POLN: variants seen among roughly 807,000 people sequenced by gnomAD.
The protein encoded by POLN is DNA polymerase nu, also known as DNA polymerase N.
A neutral mutation model predicts 113.5 loss-of-function variants in POLN; 108 were observed. The observed-to-expected ratio is 0.95, with a 90% CI of 0.81 to 1.12. The LOEUF (loss-of-function observed/expected upper bound fraction) is 1.12. POLN is among the 50% of genes most tolerant of loss of function. The pLI, the probability that POLN is intolerant of heterozygous loss-of-function variation, is 0.00. For synonymous variants in POLN, 386 were observed against 391.5 expected (o/e 0.99, Z 0.17); for missense variants, 1,097 against 1,077.1 (o/e 1.02, Z -0.26).
chr4:2,123,618 C>T (rs1731502090), intron 19 of POLN, among the ~76,000 whole-genome samples: 2 of 126,118 alleles, frequency 1.6e-5, no homozygotes, highest in South Asian at 2.6e-4. Flanking sequence ...GGGTGAGACC[C>T]TGTCTCAAAA....
At chr4:2,232,175 T>C (rs764572470) in intron 2 of POLN, 2 of 1,190,578 alleles carry the variant, frequency 1.7e-6, no homozygotes, top group East Asian at 2.6e-5. Flanking sequence ...AAAAGGAAAA[T>C]AAAAATAAAA....
chr4:2,102,175 T>G (rs564635396), intron 19 of POLN, among the ~76,000 whole-genome samples: 5 of 152,244 alleles, frequency 3.3e-5, no homozygotes, highest in African/African-American at 1.2e-4. Context: ...GGCAGGTGCA[T>G]GCACTTTCCA....
chr4:2,168,372 A>G (rs1015363680), intron 13 of POLN, among the ~76,000 whole-genome samples: 2 of 152,256 alleles, frequency 1.3e-5, no homozygotes, highest in Non-Finnish European at 2.9e-5. Flanking sequence ...AGTCATGAGA[A>G]GAAATCTGAA....
chr4:2,187,363 C>T (rs1297372705), intron 7 of POLN, among the ~76,000 whole-genome samples: 1 of 152,172 alleles, frequency 6.6e-6, no homozygotes, highest in Non-Finnish European at 1.5e-5. Flanking sequence ...CCTGTCTCAG[C>T]CTCCCGAGTA....
intron 8 of POLN, among the ~76,000 whole-genome samples, chr4:2,178,756 C>T (rs1437546989): frequency 6.6e-6 from 1 of 152,066 alleles, no homozygotes; most frequent in Non-Finnish European, 1.5e-5. Flanking sequence ...GAACTACAGG[C>T]ACCTGCCACC....
Position 2,240,230 on chromosome 4 carries a change from T to C in POLN, c.-13+1290A>G, listed in dbSNP as rs942443652. ...TAGATGGTGTCTGTATATCTAAAAG[T>C]TGAAAATTGTCTTCATTTGAACTTT... On this transcript the variant is annotated intron_variant, in intron 2 of 25. Transcript: ENST00000511885. 8.7e-6 allele frequency: 14 copies of C among 1,613,660 alleles called. No homozygotes were observed. In the African/African-American group the frequency reaches 1.6e-4, roughly 18 times the overall value.
intron 3 of POLN, among the ~76,000 whole-genome samples, chr4:2,225,489 G>T (rs572372182): frequency 9.9e-5 from 15 of 151,492 alleles, no homozygotes; most frequent in African/African-American, 2.9e-4. Context: ...CAGGAGGGGG[G>T]GTTGCAGTGA....
chr4:2,168,133 G>A (rs776735374), intron 13 of POLN, among the ~76,000 whole-genome samples: 2 of 152,316 alleles, frequency 1.3e-5, no homozygotes, highest in Admixed American at 6.5e-5. Context: ...TAAGCACTGG[G>A]AACATCCCAG....
intron 19 of POLN, among the ~76,000 whole-genome samples, chr4:2,113,064 T>C (rs550122093): frequency 9.4e-4 from 143 of 151,764 alleles, no homozygotes; most frequent in African/African-American, 3.4e-3. Flanking sequence ...CCGTAAAAAA[T>C]GATGAGTTCA....
At chr4:2,081,867 C>T in intron 21 of POLN, 124 bp from the exon 22 acceptor site, 4 of 743,148 alleles carry the variant, frequency 5.4e-6, no homozygotes, top group Non-Finnish European at 2.3e-6. Flanking sequence ...CTCCAAGCCT[C>T]CCCTGGGCCC....
intron 2 of POLN, chr4:2,236,502 T>C (rs1486136251): frequency 1.5e-6 from 2 of 1,352,532 alleles, no homozygotes; most frequent in East Asian, 2.3e-5. Flanking sequence ...ATCAAGTCAG[T>C]ATCATTTTCA....
intron 21 of POLN, 61 bp downstream of exon 21, chr4:2,085,552 C>G (rs958910718): frequency 6.3e-7 from 1 of 1,598,434 alleles, no homozygotes; most frequent in Admixed American, 1.7e-5. Context: ...ACGCAGCTGT[C>G]CCCCCATCCT....
At chr4:2,142,905 AC>A (rs1483063900) in intron 16 of POLN, among the ~76,000 whole-genome samples, 2 of 141,410 alleles carry the variant, frequency 1.4e-5, no homozygotes, top group African/African-American at 5.4e-5. Context: ...CTGAACCCTC[AC>A]CCCCTCTGTT....
intron 8 of POLN, among the ~76,000 whole-genome samples, chr4:2,176,982 G>A (rs1481260673): frequency 6.6e-6 from 1 of 152,106 alleles, no homozygotes; most frequent in Non-Finnish European, 1.5e-5. Context: ...TCTGCTGAAG[G>A]CCTGAGATTA....
intron 19 of POLN, among the ~76,000 whole-genome samples, chr4:2,114,362 A>G (rs976398837): frequency 1.3e-5 from 2 of 152,194 alleles, no homozygotes; most frequent in Non-Finnish European, 2.9e-5. Flanking sequence ...CCAGGGTTTT[A>G]TGTGGTATAA....
chr4:2,139,596 T>C (rs923723539), intron 16 of POLN: 4 of 152,178 alleles, frequency 2.6e-5, no homozygotes, highest in Non-Finnish European at 5.9e-5. Flanking sequence ...TTACTCTAGA[T>C]AGAAATAGGA....
At chr4:2,157,962 T>A (rs2108740727) in intron 14 of POLN, 51 bp from the exon 15 acceptor site, 1 of 1,453,976 alleles carries the variant, frequency 6.9e-7, no homozygotes, top group East Asian at 2.3e-5. Context: ...TAAGTCTTTT[T>A]TTGTGGGGGG....
chr4:2,242,109 C>G lies in POLN; in HGVS notation c.-342G>C. 2 of 985,896 alleles carry G rather than the reference C, an allele frequency of 2.0e-6. No homozygotes were observed. The highest frequency in any genetic ancestry group is 2.4e-6 in the Non-Finnish European group (2 of 830,264). 61.1% of individuals were successfully genotyped at this position (985,896 alleles called of 1,614,324 possible). On this transcript the variant is annotated 5_prime_UTR_variant, in exon 1 of 26. Coordinates refer to ENST00000511885, the MANE Select transcript of POLN (RefSeq NM_181808.4). ...CGCCGCCACCGCCCTCCGTGCCCCGCGCGCCTCGCACTGCCTCACGGGAGC... is the reference window on the plus strand; with the variant it reads ...CGCCGCCACCGCCCTCCGTGCCCCGGGCGCCTCGCACTGCCTCACGGGAGC...
At chr4:2,167,627 G>A (rs1232607380) in intron 13 of POLN, among the ~76,000 whole-genome samples, 1 of 152,182 alleles carries the variant, frequency 6.6e-6, no homozygotes, top group Admixed American at 6.5e-5. Flanking sequence ...GGCCAGGCAT[G>A]GTGACTCATG....
Sources: gnomAD v4.1 joint callset for allele counts (sites outside exome capture counted in the v4.1 genomes callset) on GRCh38, gnomAD v4.1.1 for gene constraint, MANE v1.5 for transcripts, NCBI Gene and HGNC (gene_info 2026-07-23, HGNC 2026-07-21) for gene names.